PTPRT: variants seen among roughly 807,000 people sequenced by gnomAD.
The protein encoded by PTPRT is protein tyrosine phosphatase receptor type T.
A neutral mutation model predicts 176.8 loss-of-function variants in PTPRT; 56 were observed. The ratio of observed to expected loss-of-function variants is 0.32; its 90% confidence interval spans 0.26 to 0.40. The LOEUF (loss-of-function observed/expected upper bound fraction) is 0.40. Ranked by LOEUF, PTPRT falls within the 10% of genes least tolerant of loss-of-function variation. The probability of loss-of-function intolerance (pLI) is 1.00; values close to 1 mark genes in which losing one functional copy is unlikely to be tolerated. For missense variants in PTPRT, 1,540 were observed against 1,908.2 expected (o/e 0.81, Z 3.60); for synonymous variants, 783 against 739.0 (o/e 1.06, Z -0.96).
chr20:42,397,711 T>C (rs2058865162), intron 9 of PTPRT, among the ~76,000 whole-genome samples: 1 of 152,224 alleles, frequency 6.6e-6, no homozygotes, highest in African/African-American at 2.4e-5. Context: ...CCTGGGTTGA[T>C]TCCAGGTCTT....
chr20:43,180,845 T>C (rs1337445198), intron 1 of PTPRT, among the ~76,000 whole-genome samples: 2 of 152,142 alleles, frequency 1.3e-5, no homozygotes, highest in African/African-American at 4.8e-5. Context: ...ATTGGTTCTG[T>C]TTCTCTGCAG....
intron 2 of PTPRT, among the ~76,000 whole-genome samples, chr20:42,825,080 T>C (rs11699086): frequency 0.086 from 13,020 of 152,094 alleles, 690 homozygotes; most frequent in Admixed American, 0.15. Flanking sequence ...TATTAGCAAA[T>C]AGTAAATGAG....
intron 1 of PTPRT, among the ~76,000 whole-genome samples, chr20:43,105,393 C>T (rs915685797): frequency 8.6e-5 from 13 of 151,804 alleles, no homozygotes; most frequent in Non-Finnish European, 1.5e-5. Context: ...GTAGTTCATT[C>T]TCTTCTGATA....
intron 7 of PTPRT, among the ~76,000 whole-genome samples, chr20:42,543,394 C>A (rs1438473800): frequency 6.6e-6 from 1 of 152,138 alleles, no homozygotes; most frequent in Non-Finnish European, 1.5e-5. Flanking sequence ...CCATAAGAAG[C>A]AATTCCTCAT....
At chr20:42,630,796 T>A (rs924915139) in intron 7 of PTPRT, among the ~76,000 whole-genome samples, 1 of 152,166 alleles carries the variant, frequency 6.6e-6, no homozygotes, top group African/African-American at 2.4e-5. Context: ...ATGACCATCA[T>A]GACATCATGT....
At chr20:42,257,270 C>T (rs748294605) in intron 13 of PTPRT, among the ~76,000 whole-genome samples, 4 of 152,110 alleles carry the variant, frequency 2.6e-5, no homozygotes, top group African/African-American at 4.8e-5. Flanking sequence ...TCAGGACAGC[C>T]GGGTGTGAAA....
At chr20:42,727,657 T>C (rs989230900) in intron 6 of PTPRT, among the ~76,000 whole-genome samples, 2 of 152,132 alleles carry the variant, frequency 1.3e-5, no homozygotes, top group African/African-American at 4.8e-5. Context: ...AATGTTCAAT[T>C]CAGTAGAAAG....
At chr20:43,175,522 G>A (rs1305573744) in intron 1 of PTPRT, among the ~76,000 whole-genome samples, 9 of 117,028 alleles carry the variant, frequency 7.7e-5, no homozygotes, top group African/African-American at 1.9e-4. Context: ...CACTCCAGCC[G>A]GGCAACAGAA....
intron 1 of PTPRT, among the ~76,000 whole-genome samples, chr20:43,161,360 G>A (rs2014691987): frequency 1.3e-5 from 2 of 152,088 alleles, no homozygotes; most frequent in Admixed American, 6.5e-5. Flanking sequence ...AGGAGAAAGA[G>A]CTCTATGTTA....
At chr20:43,180,649 G>A (rs1362931236) in intron 1 of PTPRT, among the ~76,000 whole-genome samples, 1 of 151,972 alleles carries the variant, frequency 6.6e-6, no homozygotes, top group African/African-American at 2.4e-5. Flanking sequence ...TTTTAGTAAA[G>A]ACAAGGTTTC....
At chr20:42,264,139 G>T (rs1328640308) in intron 13 of PTPRT, among the ~76,000 whole-genome samples, 1 of 152,122 alleles carries the variant, frequency 6.6e-6, no homozygotes, top group East Asian at 1.9e-4. Context: ...ATTTCTCCTT[G>T]CTTTAAGGAG....
intron 15 of PTPRT, 141 bp from the exon 16 acceptor site, chr20:42,199,529 C>A: frequency 1.0e-6 from 1 of 973,506 alleles, no homozygotes; most frequent in Non-Finnish European, 1.5e-6. Flanking sequence ...CAAGGCAGAA[C>A]AAACCATGAA....
At chr20:42,699,613 C>T (rs1329308753) in intron 6 of PTPRT, among the ~76,000 whole-genome samples, 1 of 152,046 alleles carries the variant, frequency 6.6e-6, no homozygotes, top group Non-Finnish European at 1.5e-5. Flanking sequence ...ATGAAGGGGA[C>T]ACAGGAAAGA....
intron 2 of PTPRT, among the ~76,000 whole-genome samples, chr20:42,851,860 G>A (rs936768747): frequency 3.9e-5 from 6 of 152,094 alleles, no homozygotes; most frequent in East Asian, 1.9e-4. Context: ...GCTTATGTAC[G>A]GACTGAGATA....
intron 6 of PTPRT, among the ~76,000 whole-genome samples, chr20:42,743,958 C>G (rs559139357): frequency 2.0e-5 from 3 of 152,312 alleles, no homozygotes; most frequent in Non-Finnish European, 2.9e-5. Flanking sequence ...TTTACTCTAC[C>G]TCCTTTTCTC....
intron 1 of PTPRT, among the ~76,000 whole-genome samples, chr20:43,042,059 A>G (rs1035563617): frequency 6.6e-6 from 1 of 152,162 alleles, no homozygotes; most frequent in African/African-American, 2.4e-5. Flanking sequence ...CTGAGCCTCA[A>G]TTTCCCCATT....
chr20:43,162,087 G>A (rs374824440), intron 1 of PTPRT, among the ~76,000 whole-genome samples: 74 of 152,170 alleles, frequency 4.9e-4, no homozygotes, highest in African/African-American at 1.7e-3. Flanking sequence ...AAACAAGTAT[G>A]GTGCACATTT....
the PTPRT span, among the ~76,000 whole-genome samples, chr20:42,054,601 G>A: frequency 2.0e-5 from 3 of 152,138 alleles, no homozygotes; most frequent in Admixed American, 6.5e-5. Flanking sequence ...GTATGAGGGG[G>A]CCCCTTGTAG....
chr20:42,435,956 A>G (rs2059258731), intron 9 of PTPRT, among the ~76,000 whole-genome samples: 1 of 152,236 alleles, frequency 6.6e-6, no homozygotes, highest in African/African-American at 2.4e-5. Flanking sequence ...AAATTCATGC[A>G]TATAAGAAAT....
Sources: gnomAD v4.1 joint callset for allele counts (sites outside exome capture counted in the v4.1 genomes callset) on GRCh38, gnomAD v4.1.1 for gene constraint, MANE v1.5 for transcripts, NCBI Gene and HGNC (gene_info 2026-07-23, HGNC 2026-07-21) for gene names.